PLCL1: variants seen among roughly 807,000 people sequenced by gnomAD.
The protein encoded by PLCL1 is inactive phospholipase C-like protein 1.
PLCL1 carries 41 observed loss-of-function variants against 84.4 expected under a neutral mutation model. The observed-to-expected ratio is 0.49, with a 90% confidence interval of 0.38 to 0.63. The LOEUF (loss-of-function observed/expected upper bound fraction) is 0.63, where lower values mean the gene tolerates loss of function less well. PLCL1 is among the 30% of genes least tolerant of loss of function. The pLI, the probability that PLCL1 is intolerant of heterozygous loss-of-function variation, is 0.00. For synonymous variants in PLCL1, 490 were observed against 488.3 expected (o/e 1.00, Z -0.05); for missense variants, 1,206 against 1,367.8 (o/e 0.88, Z 1.87).
intron 1 of PLCL1, among the ~76,000 whole-genome samples, chr2:197,890,320 A>G (rs111405104): frequency 2.5e-3 from 383 of 152,290 alleles, no homozygotes; most frequent in Non-Finnish European, 3.0e-3. Flanking sequence ...AGTAGGAGGA[A>G]CAGTTGTGAG....
At chr2:197,928,946 G>GT (rs1688881804) in intron 1 of PLCL1, among the ~76,000 whole-genome samples, 1 of 151,948 alleles carries the variant, frequency 6.6e-6, no homozygotes, top group East Asian at 1.9e-4. Flanking sequence ...GGATTATATT[G>GT]TTTCCCCTTT....
chr2:198,141,287 T>G (rs1694379934), intron 5 of PLCL1, among the ~76,000 whole-genome samples: 1 of 152,184 alleles, frequency 6.6e-6, no homozygotes, highest in African/African-American at 2.4e-5. Context: ...CTTCTATTTT[T>G]GTGCAAAATT....
At chr2:197,918,760 A>C (rs931123709) in intron 1 of PLCL1, among the ~76,000 whole-genome samples, 5 of 152,056 alleles carry the variant, frequency 3.3e-5, no homozygotes, top group Admixed American at 6.5e-5. Context: ...AATCTCTGCC[A>C]AAAAAATCCC....
intron 1 of PLCL1, among the ~76,000 whole-genome samples, chr2:197,991,072 T>C (rs767477000): frequency 7.2e-5 from 11 of 152,278 alleles, no homozygotes; most frequent in Non-Finnish European, 1.3e-4. Context: ...TGTTTCTGGA[T>C]GAGATTAGCA....
intron 1 of PLCL1, among the ~76,000 whole-genome samples, chr2:197,894,847 G>A (rs764870476): frequency 4.6e-5 from 7 of 151,908 alleles, no homozygotes; most frequent in African/African-American, 1.7e-4. Context: ...CCTGAACCAT[G>A]GTCCCTCCTT....
At chr2:197,886,082 A>G (rs13395030) in intron 1 of PLCL1, among the ~76,000 whole-genome samples, 110,788 of 152,022 alleles carry the variant, frequency 0.73, 41,448 homozygotes, top group African/African-American at 0.9. Flanking sequence ...CATATTTAAA[A>G]TGTCCTCTGC....
intron 5 of PLCL1, among the ~76,000 whole-genome samples, chr2:198,106,167 G>A (rs1189481295): frequency 1.3e-5 from 2 of 151,902 alleles, no homozygotes; most frequent in African/African-American, 4.8e-5. Flanking sequence ...TCCTGAGGGC[G>A]CTCAGCTAGT....
At chr2:197,898,882 C>T (rs1379511508) in intron 1 of PLCL1, among the ~76,000 whole-genome samples, 2 of 151,830 alleles carry the variant, frequency 1.3e-5, no homozygotes, top group Non-Finnish European at 2.9e-5. Flanking sequence ...GTATACACTG[C>T]ATACTGCACT....
chr2:197,945,788 GTTA>G (rs1043522786), intron 1 of PLCL1, among the ~76,000 whole-genome samples: 4 of 152,272 alleles, frequency 2.6e-5, no homozygotes, highest in African/African-American at 9.6e-5. Flanking sequence ...ATAAACAGTA[GTTA>G]TTATTATTGT....
At chr2:197,946,299 GA>G (rs1689268616) in intron 1 of PLCL1, among the ~76,000 whole-genome samples, 1 of 152,070 alleles carries the variant, frequency 6.6e-6, no homozygotes, top group Non-Finnish European at 1.5e-5. Flanking sequence ...TGCCTGAGGG[GA>G]GTCTCCAAAA....
rs544414213 is a variant in PLCL1, at chr2:198,148,611, A to G, written c.*1649A>G. 4.6e-5 allele frequency: 7 copies of G among 152,260 alleles called. No individual in the cohort carries two copies. In the East Asian group the frequency reaches 1.3e-3, roughly 29 times the overall value. 9.4% of individuals were successfully genotyped at this position (152,260 alleles called of 1,614,324 possible). On this transcript the variant is annotated 3_prime_UTR_variant, in exon 6 of 6. Coordinates refer to ENST00000428675, the MANE Select transcript of PLCL1 (RefSeq NM_006226.4). ...AATGATGCTACAATGGCCTGAAAAA[A>G]TTTCTTTACCCTCTGTTATATTTAA...
chr2:197,922,166 G>A (rs1338740905), intron 1 of PLCL1, among the ~76,000 whole-genome samples: 2 of 112,322 alleles, frequency 1.8e-5, no homozygotes, highest in African/African-American at 6.7e-5. Context: ...GCGGCCTTCC[G>A]CAGTGTTTGT....
At chr2:197,966,658 C>G (rs1320580226) in intron 1 of PLCL1, among the ~76,000 whole-genome samples, 1 of 152,114 alleles carries the variant, frequency 6.6e-6, no homozygotes, top group Non-Finnish European at 1.5e-5. Flanking sequence ...ACTGCCTTTC[C>G]TACTTCTTCA....
rs559148371 is a variant in PLCL1 at position 197,830,861 on chromosome 2, T to C, written c.240+25522T>C. ...ATGCAAGCCAGAAGAGAGTGAGGGCTGATATTCAACATTCTTAAAGAATTT... is the reference window on the plus strand; with the variant it reads ...ATGCAAGCCAGAAGAGAGTGAGGGCCGATATTCAACATTCTTAAAGAATTT... On this transcript the variant is annotated intron_variant, in intron 1 of 5. Coordinates refer to ENST00000428675, the MANE Select transcript of PLCL1 (RefSeq NM_006226.4). Among the ~76,000 whole-genome samples, 69 of 152,306 alleles carry C rather than the reference T, an allele frequency of 4.5e-4. 2 individuals are homozygous for C. In the South Asian group the frequency reaches 9.9e-3, roughly 22 times the overall value.
At chr2:198,138,928 G>A (rs902295435) in intron 5 of PLCL1, among the ~76,000 whole-genome samples, 5 of 152,084 alleles carry the variant, frequency 3.3e-5, no homozygotes, top group South Asian at 2.1e-4. Context: ...GGCCAAGGCA[G>A]GTGGATCACC....
In PLCL1 at chr2:197,804,932, T is replaced by TCAG; in HGVS notation, c.-167_-166insAGC. 1.5e-6 allele frequency: 1 copy of TCAG among 658,584 alleles called. No individual in the cohort carries two copies. The highest frequency in any genetic ancestry group is 3.6e-5 in the Admixed American group (1 of 27,830). The allele number at this position is 658,584 out of a possible 1,614,324, so 40.8% of individuals were successfully genotyped here. On this transcript the variant is annotated 5_prime_UTR_variant, in exon 1 of 6. Coordinates refer to ENST00000428675, the MANE Select transcript of PLCL1 (RefSeq NM_006226.4). ...GTCTCTGCCCGAGCGATGTCCCCTC[T>TCAG]CCAGAAAGTTGCCGCCGCCGCCGCC...
At chr2:198,055,613 A>G (rs754092958) in intron 1 of PLCL1, among the ~76,000 whole-genome samples, 8 of 151,654 alleles carry the variant, frequency 5.3e-5, no homozygotes, top group Non-Finnish European at 1.0e-4. Flanking sequence ...TGAAGCATGA[A>G]GCATGGTTCT....
At chr2:197,875,832 T>C (rs1687722703) in intron 1 of PLCL1, among the ~76,000 whole-genome samples, 1 of 152,178 alleles carries the variant, frequency 6.6e-6, no homozygotes, top group East Asian at 1.9e-4. Context: ...TTTTATTAGT[T>C]CTTGTTCCCA....
intron 1 of PLCL1, among the ~76,000 whole-genome samples, chr2:197,912,038 A>G (rs1228603247): frequency 6.6e-6 from 1 of 152,238 alleles, no homozygotes; most frequent in East Asian, 1.9e-4. Context: ...CATTTGAGTC[A>G]CAGCATTGGA....
Sources: allele counts gnomAD v4.1 joint callset (sites outside exome capture counted in the v4.1 genomes callset), GRCh38; gene constraint gnomAD v4.1.1; transcripts MANE v1.5; gene names NCBI Gene and HGNC (gene_info 2026-07-23, HGNC 2026-07-21).